The following EPS8 variants were observed in gnomAD, a reference collection of about 807,000 sequenced individuals.
EPS8 encodes EGFR pathway substrate 8, signaling adaptor.
In EPS8, 42 loss-of-function variants were observed where a neutral mutation model predicts 103.8. That is an observed-to-expected ratio of 0.40 (90% CI 0.32 to 0.52). The LOEUF is 0.52. EPS8 is among the 20% of genes least tolerant of loss of function. The pLI is 0.40. For synonymous variants in EPS8, 344 were observed against 344.6 expected, an observed-to-expected ratio of 1.00 and a Z score of 0.02; for missense variants, 969 against 1,005.1, an observed-to-expected ratio of 0.96 and a Z score of 0.49.
chr12:15,667,339 A>G (rs898859312), intron 6 of EPS8, among the ~76,000 whole-genome samples: 2 of 152,162 alleles, frequency 1.3e-5, no homozygotes, highest in Non-Finnish European at 2.9e-5. Flanking sequence ...GTTCCTTCTA[A>G]TTAATAAAAC....
At chr12:15,726,350 T>A (rs1277804990) in intron 1 of EPS8, among the ~76,000 whole-genome samples, 1 of 152,040 alleles carries the variant, frequency 6.6e-6, no homozygotes, top group Non-Finnish European at 1.5e-5. Flanking sequence ...CTGTGGGATA[T>A]AAAATTCAGT....
chr12:15,778,011 C>T lies in EPS8; in HGVS notation c.-22+11150G>A, dbSNP rs1472074808. Among the ~76,000 whole-genome samples the T allele has an allele frequency of 6.6e-6, 1 of 152,082 alleles. No homozygotes were observed. Among genetic ancestry groups the T allele is most frequent in the South Asian group, 2.1e-4 (1 of 4,824 alleles). On this transcript the variant is annotated intron_variant, in intron 1 of 20. Transcript: ENST00000281172. The surrounding 1 kb of genome is among the most constrained non-coding windows in gnomAD (Gnocchi z 4.5). The stretch of plus-strand genomic sequence containing the variant: ...TTAAAATAACATAGAAAGAAATATG[C>T]TTTAAACAATTTATTCTGTAATTCT...
intron 15 of EPS8, 64 bp from the exon 16 acceptor site, chr12:15,641,894 A>C: frequency 1.2e-6 from 1 of 860,942 alleles, no homozygotes; most frequent in Non-Finnish European, 1.8e-6. Context: ...AAAATGGAAA[A>C]CACTGAGACA....
intron 3 of EPS8, among the ~76,000 whole-genome samples, chr12:15,677,162 G>C (rs1196725490): frequency 1.3e-5 from 2 of 152,156 alleles, no homozygotes; most frequent in Admixed American, 6.5e-5. Flanking sequence ...ACCCAGGACA[G>C]AAAGTGACTC....
At chr12:15,622,686 T>C (rs900163918) in intron 20 of EPS8, among the ~76,000 whole-genome samples, 1 of 152,080 alleles carries the variant, frequency 6.6e-6, no homozygotes, top group Non-Finnish European at 1.5e-5. Flanking sequence ...CAGTGATCTC[T>C]ACCTAATGTA....
At chr12:15,651,121 C>T (rs1945407406) in intron 13 of EPS8, 115 bp from the exon 14 acceptor site, 1 of 771,234 alleles carries the variant, frequency 1.3e-6, no homozygotes, top group Non-Finnish European at 2.1e-6. Context: ...TAACAAACAA[C>T]AAAAACAGCA....
chr12:15,671,467 A>G (rs570333860), intron 3 of EPS8, among the ~76,000 whole-genome samples: 3 of 152,128 alleles, frequency 2.0e-5, no homozygotes, highest in Non-Finnish European at 4.4e-5. Context: ...AAATATTAAC[A>G]GTTTTCACAC....
chr12:15,739,324 TG>T (rs1187405969), intron 1 of EPS8, among the ~76,000 whole-genome samples: 1 of 152,170 alleles, frequency 6.6e-6, no homozygotes, highest in Non-Finnish European at 1.5e-5. Context: ...TGATTAATTT[TG>T]GGTGCCAACT....
intron 1 of EPS8, among the ~76,000 whole-genome samples, chr12:15,709,463 A>G (rs532492223): frequency 6.6e-6 from 1 of 152,356 alleles, no homozygotes; most frequent in South Asian, 2.1e-4. Context: ...ACTGTAAAGC[A>G]TAAAGAAGAA....
chr12:15,671,186 T>TA (rs1945810542), intron 3 of EPS8, among the ~76,000 whole-genome samples: 1 of 152,058 alleles, frequency 6.6e-6, no homozygotes, highest in Non-Finnish European at 1.5e-5. Context: ...ATAAATATTA[T>TA]AAGAAAAAAA....
chr12:15,663,234 G>A (rs1945638553), intron 8 of EPS8, among the ~76,000 whole-genome samples: 1 of 152,102 alleles, frequency 6.6e-6, no homozygotes, highest in South Asian at 2.1e-4. Context: ...ATCATTTGGA[G>A]GGCACAGTGA....
intron 6 of EPS8, among the ~76,000 whole-genome samples, 198 bp downstream of exon 6, chr12:15,669,189 G>C (rs1475828752): frequency 1.3e-5 from 2 of 152,156 alleles, no homozygotes; most frequent in African/African-American, 4.8e-5. Context: ...CTACTGATTT[G>C]ATTAACATCA....
chr12:15,662,924 CA>C (rs1041303716), intron 8 of EPS8, among the ~76,000 whole-genome samples: 5 of 139,108 alleles, frequency 3.6e-5, no homozygotes, highest in African/African-American at 8.0e-5. Context: ...GAGAGAACTG[CA>C]AAAAAAAATT....
rs1204372276 is a variant in EPS8, at chr12:15,785,044, A to C, written c.-22+4117T>G. ...ACTATGATCCTATAAGGATAGCTAC[A>C]TCAAATTAAGTATTTGTCAAAACCC... On this transcript the variant is annotated intron_variant, in intron 1 of 20. Coordinates refer to ENST00000281172, the MANE Select transcript of EPS8 (RefSeq NM_004447.6). The surrounding 1 kb of genome is among the most constrained non-coding windows in gnomAD (Gnocchi z 4.9). Among the ~76,000 whole-genome samples the C allele has an allele frequency of 6.6e-6, 1 of 152,110 alleles. No homozygotes were observed. The highest frequency in any genetic ancestry group is 1.5e-5 in the Non-Finnish European group (1 of 67,952).
At chr12:15,639,496 A>AAT (rs1945192075) in intron 17 of EPS8, among the ~76,000 whole-genome samples, 1 of 152,194 alleles carries the variant, frequency 6.6e-6, no homozygotes, top group South Asian at 2.1e-4. Flanking sequence ...ATAAGTACAT[A>AAT]ATATATATAT....
intron 1 of EPS8, among the ~76,000 whole-genome samples, chr12:15,703,131 G>A (rs1049445400): frequency 8.5e-5 from 13 of 152,142 alleles, no homozygotes; most frequent in African/African-American, 3.1e-4. Context: ...CCTGGTGATG[G>A]AGCGAGACTC....
At chr12:15,635,863 T>A (rs895004502) in intron 17 of EPS8, among the ~76,000 whole-genome samples, 1 of 152,070 alleles carries the variant, frequency 6.6e-6, no homozygotes, top group Non-Finnish European at 1.5e-5. Flanking sequence ...ATAAAGAATA[T>A]GGGAAACGTT....
chr12:15,723,647 G>C lies in EPS8; in HGVS notation c.-21-40675C>G, dbSNP rs368019869. The stretch of plus-strand genomic sequence containing the variant: ...TATCTACACTTCAAAAAAGGTTATA[G>C]ATTATGTCTTTCTGTATTCTCAATA... On this transcript the variant is annotated intron_variant, in intron 1 of 20. Coordinates refer to ENST00000281172, the MANE Select transcript of EPS8 (RefSeq NM_004447.6). 7.9e-5 allele frequency among the ~76,000 whole-genome samples: 12 copies of C among 152,264 alleles called. 1 individual carries two copies. Among genetic ancestry groups the C allele is most frequent in the African/African-American group, 2.9e-4 (12 of 41,558 alleles).
In EPS8 at chr12:15,621,019, T is replaced by C. The variant is rs1205275878; in HGVS notation, c.*298A>G. 3.9e-6 allele frequency: 1 copy of C among 255,730 alleles called. No homozygotes were observed. The highest frequency in any genetic ancestry group is 7.3e-6 in the Non-Finnish European group (1 of 137,082). 15.8% of individuals were successfully genotyped at this position (255,730 alleles called of 1,614,324 possible). On this transcript the variant is annotated 3_prime_UTR_variant, in exon 21 of 21. Coordinates refer to ENST00000281172, the MANE Select transcript of EPS8 (RefSeq NM_004447.6). ...AATAACTCCACCACTATCAAAACAATTCCTGTTTATACCCTGGGATGGGGA... is the reference window on the plus strand; with the variant it reads ...AATAACTCCACCACTATCAAAACAACTCCTGTTTATACCCTGGGATGGGGA...
Sources: allele counts gnomAD v4.1 joint callset (sites outside exome capture counted in the v4.1 genomes callset), GRCh38; gene constraint gnomAD v4.1.1; non-coding constraint Gnocchi (gnomAD v3.1); transcripts MANE v1.5; gene names NCBI Gene and HGNC (gene_info 2026-07-23, HGNC 2026-07-21).